Variants in TBCCD1 observed in about 807,000 individuals in gnomAD.
TBCCD1 encodes the protein TBCC domain-containing protein 1.
In TBCCD1, 26 loss-of-function variants were observed where a neutral mutation model predicts 53.4. The observed-to-expected ratio is 0.49, with a 90% CI of 0.36 to 0.68. TBCCD1 has a LOEUF of 0.68. Ranked by LOEUF, TBCCD1 falls within the 30% of genes least tolerant of loss-of-function variation. TBCCD1 has a pLI of 0.00. For synonymous variants in TBCCD1, 245 were observed against 241.7 expected (o/e 1.01, Z -0.13); for missense variants, 558 against 669.5 (o/e 0.83, Z 1.84).
chr3:186,560,840 C>T (rs9865403), intron 2 of TBCCD1, among the ~76,000 whole-genome samples: 55,336 of 152,110 alleles, frequency 0.36, 12,403 homozygotes, highest in East Asian at 0.72. Flanking sequence ...ATATGGTCAA[C>T]TAATTTTCCA....
At chr3:186,554,178 A>G (rs1560224438) in intron 6 of TBCCD1, 76 bp downstream of exon 6, 2 of 1,579,106 alleles carry the variant, frequency 1.3e-6, no homozygotes, top group Non-Finnish European at 1.7e-6. Context: ...GCACAGCTGT[A>G]AAAATGTGCA....
Position 186,554,139 on chromosome 3 carries a change from C to T in TBCCD1, c.1544+115G>A, listed in dbSNP as rs369905313. 2.2e-4 allele frequency: 314 copies of T among 1,455,608 alleles called. 1 individual carries two copies. Among genetic ancestry groups the T allele is most frequent in the South Asian group, 1.8e-3 (145 of 78,570 alleles). The allele number at this position is 1,455,608 out of a possible 1,614,324, so 90.2% of individuals were successfully genotyped here. ...CTGGGATTATAGGCGTGAGCCACCG[C>T]GCCCAGCCTTACATTTTTTATTACT... On this transcript the variant is annotated intron_variant, in intron 6 of 7. Transcript: ENST00000338733.
upstream of TBCCD1, among the ~76,000 whole-genome samples, chr3:186,568,445 A>AT (rs1488321038): frequency 1.3e-5 from 2 of 152,154 alleles, no homozygotes; most frequent in Admixed American, 1.3e-4. Flanking sequence ...CAGCCATACA[A>AT]TGATCACCAT....
At chr3:186,557,132 A>G (rs1714566465) in intron 3 of TBCCD1, among the ~76,000 whole-genome samples, 1 of 152,146 alleles carries the variant, frequency 6.6e-6, no homozygotes, top group Non-Finnish European at 1.5e-5. Flanking sequence ...TCAAGTGTCC[A>G]CCCCGGTCCA....
chr3:186,570,338 A>C, upstream of TBCCD1: 1 of 525,016 alleles, frequency 1.9e-6, no homozygotes. Context: ...GGCTTGTAGC[A>C]CAGAGAAAAC....
upstream of TBCCD1, among the ~76,000 whole-genome samples, chr3:186,568,440 A>G (rs1417852410): frequency 6.6e-6 from 1 of 152,212 alleles, no homozygotes; most frequent in African/African-American, 2.4e-5. Flanking sequence ...GAAGCCAGCC[A>G]TACAATGATC....
At chr3:186,564,664 G>A (rs923550749) in intron 1 of TBCCD1, among the ~76,000 whole-genome samples, 10 of 152,202 alleles carry the variant, frequency 6.6e-5, no homozygotes, top group African/African-American at 1.9e-4. Flanking sequence ...GGAAGAAAAT[G>A]AATGAGGGGA....
intron 6 of TBCCD1, 75 bp from the exon 7 acceptor site, chr3:186,551,354 A>G: frequency 2.3e-6 from 3 of 1,307,544 alleles, no homozygotes; most frequent in South Asian, 1.4e-5. Flanking sequence ...CAATTATACA[A>G]TATTTTAATA....
upstream of TBCCD1, chr3:186,567,341 C>T (rs1261392638): frequency 6.6e-6 from 1 of 152,506 alleles, no homozygotes; most frequent in Non-Finnish European, 1.5e-5. Context: ...TGGGCCCGCC[C>T]CTCACCCTCC....
At position 186,567,304 on chromosome 3, in the gene TBCCD1, G is replaced by C. The variant is rs539848012; in HGVS notation, c.-81C>G. On this transcript the variant is annotated 5_prime_UTR_variant, in exon 1 of 8. Coordinates refer to ENST00000338733, the MANE Select transcript of TBCCD1 (RefSeq NM_018138.5). ...GCGCCGCTCCGCCGCACTTCTCCGCGCGCCGCCGCGCCCGGCGTCCGCTCG... is the reference window on the plus strand; with the variant it reads ...GCGCCGCTCCGCCGCACTTCTCCGCCCGCCGCCGCGCCCGGCGTCCGCTCG... 1 of 152,836 alleles carries C rather than the reference G, an allele frequency of 6.5e-6. No individual in the cohort carries two copies. Among genetic ancestry groups the C allele is most frequent in the Non-Finnish European group, 1.5e-5 (1 of 68,636 alleles). The allele number at this position is 152,836 out of a possible 1,614,324, so 9.5% of individuals were successfully genotyped here.
intron 2 of TBCCD1, among the ~76,000 whole-genome samples, chr3:186,561,316 A>G (rs60968646): frequency 0.025 from 3,820 of 152,328 alleles, 150 homozygotes; most frequent in African/African-American, 0.086. Flanking sequence ...AGACATACAA[A>G]TGGCCAACAG....
intron 6 of TBCCD1, among the ~76,000 whole-genome samples, chr3:186,553,905 T>C (rs961515607): frequency 2.0e-5 from 3 of 152,274 alleles, no homozygotes; most frequent in Middle Eastern, 3.4e-3. Flanking sequence ...CGGAGTGCAA[T>C]GGCACGATCT....
rs772773093 is a variant in TBCCD1, at chr3:186,554,927, T to C, written c.1017A>G (p.Glu339=). ...AGGGAGAGAGCAGATATATAAAAGATTCGTTGCAACGATGAATCTTTACAT... is the reference window on the plus strand; with the variant it reads ...AGGGAGAGAGCAGATATATAAAAGACTCGTTGCAACGATGAATCTTTACAT... ...GAHVKIHRCN[E]SFIYLLSPLR... Residue 339 remains glutamate, a synonymous_variant, in exon 5 of 8, where the codon GAA becomes GAG. Transcript: ENST00000338733. 8 of 1,613,624 alleles carry C rather than the reference T, an allele frequency of 5.0e-6. No homozygotes were observed. The highest frequency in any genetic ancestry group is 6.8e-6 in the Non-Finnish European group (8 of 1,180,022).
upstream of TBCCD1, chr3:186,570,493 C>G (rs983953298): frequency 2.0e-5 from 10 of 488,606 alleles, no homozygotes; most frequent in African/African-American, 2.0e-4. Flanking sequence ...TTCTACGACT[C>G]GCGGTAGCTC....
At chr3:186,553,494 G>A (rs766127232) in intron 6 of TBCCD1, 4 of 152,094 alleles carry the variant, frequency 2.6e-5, no homozygotes, top group Non-Finnish European at 5.9e-5. Flanking sequence ...TGAGAAGTCA[G>A]AACAGAGAAA....
intron 7 of TBCCD1, among the ~76,000 whole-genome samples, chr3:186,548,245 C>T (rs1165519004): frequency 6.6e-6 from 1 of 152,168 alleles, no homozygotes; most frequent in Non-Finnish European, 1.5e-5. Flanking sequence ...AAACACTACA[C>T]TAACTGAAAG....
chr3:186,565,707 C>T (rs890564135), intron 1 of TBCCD1, among the ~76,000 whole-genome samples: 1 of 152,196 alleles, frequency 6.6e-6, no homozygotes, highest in African/African-American at 2.4e-5. Flanking sequence ...CAAATGTTGT[C>T]ACAAGTGTAA....
chr3:186,561,945 A>G (rs1714702220), intron 2 of TBCCD1, among the ~76,000 whole-genome samples: 1 of 152,268 alleles, frequency 6.6e-6, no homozygotes, highest in South Asian at 2.1e-4. Context: ...AGCATTATTG[A>G]TAATGGCCAA....
chr3:186,552,454 T>C (rs540462268), intron 6 of TBCCD1, among the ~76,000 whole-genome samples: 29 of 152,156 alleles, frequency 1.9e-4, no homozygotes, highest in Non-Finnish European at 4.1e-4. Context: ...CACTCCGTAA[T>C]CGTATCTCAG....
Sources: allele counts gnomAD v4.1 joint callset (sites outside exome capture counted in the v4.1 genomes callset), GRCh38; gene constraint gnomAD v4.1.1; transcripts MANE v1.5; gene names NCBI Gene and HGNC (gene_info 2026-07-23, HGNC 2026-07-21).